PRICKLE1: variants seen among roughly 807,000 people sequenced by gnomAD.
PRICKLE1 encodes the protein prickle planar cell polarity protein 1, also known as prickle-like protein 1.
PRICKLE1 carries 14 observed loss-of-function variants against 70.2 expected under a neutral mutation model. The observed-to-expected ratio is 0.20, with a 90% confidence interval of 0.13 to 0.31. PRICKLE1 has a LOEUF of 0.31. PRICKLE1 is among the 10% of genes least tolerant of loss of function. The probability of loss-of-function intolerance (pLI) is 1.00; values close to 1 mark genes in which losing one functional copy is unlikely to be tolerated. For synonymous variants in PRICKLE1, 357 were observed against 379.9 expected (o/e 0.94, Z 0.70); for missense variants, 821 against 1,026.2 (o/e 0.80, Z 2.73).
At chr12:42,465,724 T>C (rs1938072103) in intron 6 of PRICKLE1, 1 of 273,346 alleles carries the variant, frequency 3.7e-6, no homozygotes, top group East Asian at 9.8e-5. Flanking sequence ...GCAAGAAGGC[T>C]GTGATGTGCC....
chr12:42,480,306 T>C (rs1196699639), intron 1 of PRICKLE1, among the ~76,000 whole-genome samples: 1 of 152,168 alleles, frequency 6.6e-6, no homozygotes, highest in African/African-American at 2.4e-5. Context: ...TGTCTAAAAG[T>C]ACACAGAAGC....
chr12:42,543,399 T>G (rs1300173538), intron 1 of PRICKLE1, among the ~76,000 whole-genome samples: 2 of 151,116 alleles, frequency 1.3e-5, no homozygotes, highest in African/African-American at 4.9e-5. Context: ...GGTCTCACTA[T>G]GTTGCCCAGG....
At chr12:42,501,519 AAAAAAAAAAAAG>A (rs1303508543) in intron 1 of PRICKLE1, among the ~76,000 whole-genome samples, 1 of 140,074 alleles carries the variant, frequency 7.1e-6, no homozygotes, top group Non-Finnish European at 1.5e-5. Flanking sequence ...AAAAAAAAAA[AAAAAAAAAAAAG>A]AAAAGAAAAG....
chr12:42,512,139 G>A (rs1004321532), intron 1 of PRICKLE1, among the ~76,000 whole-genome samples: 1 of 151,912 alleles, frequency 6.6e-6, no homozygotes, highest in African/African-American at 2.4e-5. Flanking sequence ...AAAAGATAGG[G>A]TTCAGACAAA....
intron 1 of PRICKLE1, among the ~76,000 whole-genome samples, chr12:42,477,500 A>G (rs1184162873): frequency 0.18 from 5,123 of 27,946 alleles, 204 homozygotes; most frequent in Admixed American, 0.21. Flanking sequence ...ATATATATAT[A>G]TATATATATA....
rs149132950 is a variant in PRICKLE1 at position 42,519,450 on chromosome 12, C to A, written c.-48-46886G>T. ...ACCTCAGGGGATCCATGCGCCTCGG[C>A]CTCCCAAAGTGCCGGGATTATAGGC... On this transcript the variant is annotated intron_variant, in intron 1 of 7. Coordinates refer to ENST00000345127, the MANE Select transcript of PRICKLE1 (RefSeq NM_153026.3). Among the ~76,000 whole-genome samples, 297 of 152,272 alleles carry A rather than the reference C, an allele frequency of 2.0e-3. 1 individual carries two copies. The highest frequency in any genetic ancestry group is 6.2e-3 in the African/African-American group (256 of 41,568).
At chr12:42,477,281 A>G (rs1389648472) in intron 1 of PRICKLE1, among the ~76,000 whole-genome samples, 2 of 151,772 alleles carry the variant, frequency 1.3e-5, no homozygotes, top group African/African-American at 4.8e-5. Context: ...CTGAGGCAGG[A>G]GAATCACTTG....
At position 42,460,251 on chromosome 12, in the gene PRICKLE1, T is replaced by C. The variant is rs1214661052; in HGVS notation, c.2054A>G (p.Asn685Ser). ...RRRSRKSRSD[N>S]ALNLVTERKY... ...TCTTTCTGTAACAAGATTCAGGGCA[T>C]TGTCGGAGCGGGACTTTCTACTTCT... Residue 685 changes from asparagine to serine, a missense_variant, in exon 8 of 8, where the codon AAT becomes AGT. By Grantham distance (46) the Asn-to-Ser change is conservative. Coordinates refer to ENST00000345127, the MANE Select transcript of PRICKLE1 (RefSeq NM_153026.3). 3.7e-6 allele frequency: 6 copies of C among 1,614,080 alleles called. No homozygotes were observed. Among genetic ancestry groups the C allele is most frequent in the Non-Finnish European group, 5.1e-6 (6 of 1,180,044 alleles).
At position 42,468,911 on chromosome 12, in the gene PRICKLE1, C is replaced by T. The variant is rs1018745175; in HGVS notation, c.385-82G>A. ...GGCTTTCCTACTTTAGGATAAATCT[C>T]GAATTTGTCAGGAATGTATTTATTT... On this transcript the variant is annotated intron_variant, in intron 4 of 7. Coordinates refer to ENST00000345127, the MANE Select transcript of PRICKLE1 (RefSeq NM_153026.3). The T allele has an allele frequency of 1.5e-5, 21 of 1,371,298 alleles. No individual in the cohort carries two copies. In the African/African-American group the frequency reaches 1.7e-4, roughly 11 times the overall value. 84.9% of individuals were successfully genotyped at this position (1,371,298 alleles called of 1,614,324 possible). A position where few individuals can be genotyped will look rare whatever the true frequency, so the allele number is the denominator to read the frequency against.
intron 1 of PRICKLE1, among the ~76,000 whole-genome samples, chr12:42,532,552 C>T (rs924912228): frequency 6.6e-6 from 1 of 152,138 alleles, no homozygotes; most frequent in Non-Finnish European, 1.5e-5. Context: ...AATATTTCAA[C>T]ATGTAATCAA....
chr12:42,497,081 G>A (rs1382212558), intron 1 of PRICKLE1, among the ~76,000 whole-genome samples: 1 of 152,140 alleles, frequency 6.6e-6, no homozygotes, highest in Non-Finnish European at 1.5e-5. Flanking sequence ...TCTAGCTTTT[G>A]ATTGAAAGTG....
rs1436512644 is a variant in PRICKLE1 at position 42,470,323 on chromosome 12, C to A, written c.169G>T (p.Val57Phe). 12 of 1,614,064 alleles carry A rather than the reference C, an allele frequency of 7.4e-6. No homozygotes were observed. The highest frequency in any genetic ancestry group is 1.1e-5 in the South Asian group (1 of 91,090). ...TCTCCGGGGCTGTTAACGTAAGGAACTTTTTCCTCTGGTAAGCAAGCAAAA... is the reference window on the plus strand; with the variant it reads ...TCTCCGGGGCTGTTAACGTAAGGAAATTTTTCCTCTGGTAAGCAAGCAAAA... The part of the protein sequence containing the change: ...LYFACLPEEK[V>F]PYVNSPGEKH... The change falls in exon 3 of 8, where the codon GTT becomes TTT. Residue 57 changes from valine to phenylalanine, a missense_variant. Transcript: ENST00000345127.
chr12:42,469,473 C>T lies in PRICKLE1; in HGVS notation c.361G>A (p.Val121Ile), dbSNP rs371720624. The stretch of plus-strand genomic sequence containing the variant: ...ACCTGCTCACACACAGCATGCATGA[C>T]TGCTCTGGACAGAAGCTTAATTGTT... ...RGTIKLLSRA[V>I]MHAVCEQCGL... Residue 121 changes from valine (V) to isoleucine (I), a missense_variant, in exon 4 of 8, where the codon GTC becomes ATC. Coordinates refer to ENST00000345127, the MANE Select transcript of PRICKLE1 (RefSeq NM_153026.3). 8.1e-6 allele frequency: 13 copies of T among 1,614,090 alleles called. No individual in the cohort carries two copies. The highest frequency in any genetic ancestry group is 1.0e-5 in the Non-Finnish European group (12 of 1,180,060).
At chr12:42,502,301 C>A (rs1593142074) in intron 1 of PRICKLE1, among the ~76,000 whole-genome samples, 1 of 76,066 alleles carries the variant, frequency 1.3e-5, no homozygotes, top group Admixed American at 1.8e-4. Context: ...ATTTGTTTTT[C>A]TTTTCTTTTC....
chr12:42,506,254 TC>T lies in PRICKLE1; in HGVS notation c.-48-33691del, dbSNP rs1566105920. On this transcript the variant is annotated intron_variant, in intron 1 of 7. Coordinates refer to ENST00000345127, the MANE Select transcript of PRICKLE1 (RefSeq NM_153026.3). Reference sequence around the variant, plus strand: ...TAAGTAAAAAATGTTCTTTTTTCTTTCTTTCTTTTTTTTTTTTTTTGAGATG... The same window carrying T: ...TAAGTAAAAAATGTTCTTTTTTCTTTTTTCTTTTTTTTTTTTTTTGAGATG... 3.2e-3 allele frequency among the ~76,000 whole-genome samples: 148 copies of T among 45,928 alleles called. 3 individuals carry two copies. Among genetic ancestry groups the T allele is most frequent in the African/African-American group, 8.2e-3 (74 of 9,036 alleles). 30.1% of individuals were successfully genotyped at this position (45,928 alleles called of 152,430 possible).
chr12:42,498,500 G>A (rs142558038), intron 1 of PRICKLE1, among the ~76,000 whole-genome samples: 89 of 152,056 alleles, frequency 5.9e-4, no homozygotes, highest in East Asian at 4.8e-3. Flanking sequence ...TCTCTTCTGC[G>A]GGCCAGGCAT....
At chr12:42,543,686 C>T (rs1940156633) in intron 1 of PRICKLE1, among the ~76,000 whole-genome samples, 1 of 152,070 alleles carries the variant, frequency 6.6e-6, no homozygotes, top group Non-Finnish European at 1.5e-5. Context: ...CCATGCCCAG[C>T]TAATTTTTGT....
intron 3 of PRICKLE1, 188 bp from the exon 4 acceptor site, chr12:42,469,775 T>C: frequency 1.5e-6 from 1 of 670,272 alleles, no homozygotes; most frequent in Non-Finnish European, 2.5e-6. Context: ...AAATGCAATG[T>C]GAAGGAATAC....
intron 1 of PRICKLE1, among the ~76,000 whole-genome samples, chr12:42,542,689 T>TA (rs1940138748): frequency 6.6e-6 from 1 of 152,178 alleles, no homozygotes; most frequent in Non-Finnish European, 1.5e-5. Context: ...TTTGTTGTAT[T>TA]AAAAAATGTT....
Sources: allele counts gnomAD v4.1 joint callset (sites outside exome capture counted in the v4.1 genomes callset), GRCh38; gene constraint gnomAD v4.1.1; transcripts MANE v1.5; gene names NCBI Gene and HGNC (gene_info 2026-07-23, HGNC 2026-07-21).